EFL1: variants seen among roughly 807,000 people sequenced by gnomAD.
EFL1 encodes the protein elongation factor like GTPase 1.
In EFL1, 76 loss-of-function variants were observed where a neutral mutation model predicts 126.7. The ratio of observed to expected loss-of-function variants is 0.60; its 90% confidence interval spans 0.50 to 0.73. The LOEUF is 0.73. Among genes scored for constraint, EFL1 ranks in the 30% least tolerant of loss-of-function variants. The probability of loss-of-function intolerance (pLI) is 0.00; values close to 1 mark genes in which losing one functional copy is unlikely to be tolerated. For synonymous variants in EFL1, 410 were observed against 448.4 expected, an observed-to-expected ratio of 0.91 and a Z score of 1.08; for missense variants, 1,128 against 1,343.2, an observed-to-expected ratio of 0.84 and a Z score of 2.50.
chr15:82,246,195 A>G (rs971890463), intron 4 of EFL1, among the ~76,000 whole-genome samples: 2 of 152,078 alleles, frequency 1.3e-5, no homozygotes, highest in African/African-American at 4.8e-5. Context: ...GAACTCTGAC[A>G]TCACTGAGAA....
intron 19 of EFL1, among the ~76,000 whole-genome samples, chr15:82,133,779 C>T (rs1169508692): frequency 6.6e-6 from 1 of 152,168 alleles, no homozygotes; most frequent in Admixed American, 6.5e-5. Flanking sequence ...TTCTGCTTTG[C>T]TGGTGGGAGG....
At position 82,170,528 on chromosome 15, in the gene EFL1, T is replaced by C. The variant is rs111787884; in HGVS notation, c.1751-6544A>G. On this transcript the variant is annotated intron_variant, in intron 15 of 19. Transcript: ENST00000268206. ...TTCTTTTTCTTTTCTTTAGTCAACA[T>C]GCATTCTTGTTATGTTCAATTTGGA... Among the ~76,000 whole-genome samples, 755 of 152,332 alleles carry C rather than the reference T, an allele frequency of 5.0e-3. 11 individuals carry two copies. Among genetic ancestry groups the C allele is most frequent in the African/African-American group, 0.017 (727 of 41,580 alleles).
chr15:82,165,141 T>C (rs1033598638), intron 15 of EFL1, among the ~76,000 whole-genome samples: 2 of 152,046 alleles, frequency 1.3e-5, no homozygotes, highest in African/African-American at 4.8e-5. Context: ...GGTGCACACC[T>C]GTCTATAGTC....
rs572147792 is a variant in EFL1, at chr15:82,252,877, T to C, written c.160-102A>G. On this transcript the variant is annotated intron_variant, in intron 3 of 19. Coordinates refer to ENST00000268206, the MANE Select transcript of EFL1 (RefSeq NM_024580.6). ...TTGTTTTAAATACTTATATTTAATT[T>C]GTTATTTTTATTTATTTTTGTAGAG... is the stretch of plus-strand genomic sequence containing the variant. The C allele has an allele frequency of 2.2e-4, 172 of 788,632 alleles. 1 individual carries two copies. The South Asian group carries it at 3.1e-3, about 14-fold the overall frequency. The allele number at this position is 788,632 out of a possible 1,614,324, so 48.9% of individuals were successfully genotyped here.
chr15:82,209,351 ACAG>A, intron 15 of EFL1, among the ~76,000 whole-genome samples: 2 of 147,612 alleles, frequency 1.4e-5, no homozygotes, highest in South Asian at 4.2e-4. Context: ...ACACACACAC[ACAG>A]ATTATCAACA....
intron 10 of EFL1, among the ~76,000 whole-genome samples, 182 bp downstream of exon 10, chr15:82,228,009 T>C (rs947924380): frequency 1.3e-5 from 2 of 152,212 alleles, no homozygotes; most frequent in African/African-American, 4.8e-5. Flanking sequence ...TAACACAAAT[T>C]AGTATTAGTG....
chr15:82,189,944 C>T (rs1262732830), intron 15 of EFL1, among the ~76,000 whole-genome samples: 2 of 151,722 alleles, frequency 1.3e-5, no homozygotes, highest in Non-Finnish European at 2.9e-5. Flanking sequence ...GGTGAAACCC[C>T]GTCTCTACTA....
intron 15 of EFL1, among the ~76,000 whole-genome samples, chr15:82,178,737 G>C (rs1208737704): frequency 6.6e-6 from 1 of 152,114 alleles, no homozygotes; most frequent in Non-Finnish European, 1.5e-5. Flanking sequence ...TCACTTTCAA[G>C]AGCTCATTCT....
At chr15:82,217,924 A>G (rs1440985133) in intron 14 of EFL1, among the ~76,000 whole-genome samples, 1 of 152,212 alleles carries the variant, frequency 6.6e-6, no homozygotes, top group African/African-American at 2.4e-5. Flanking sequence ...TCCATATGAC[A>G]AGAAACTGTA....
chr15:82,220,219 G>C lies in EFL1; in HGVS notation c.1303C>G (p.Gln435Glu), dbSNP rs1455312935. The C allele has an allele frequency of 1.9e-6, 3 of 1,598,708 alleles. No homozygotes were observed. The highest frequency in any genetic ancestry group is 1.7e-6 in the Non-Finnish European group (2 of 1,175,456). ...TCACGTCTCTGAGCAATTTCTTCTT[G>C]AGTGAGAGGCCTACAGGATATCACA... ...LPQNKPRPLTQEEIAQRRERA... is the reference protein window; with the variant it reads ...LPQNKPRPLTEEEIAQRRERA... Residue 435 changes from glutamine to glutamate, a missense_variant, in exon 13 of 20, where the codon CAA (glutamine) becomes GAA (glutamate). This residue lies in a region of EFL1 where 10 missense variants were observed against 32.2 expected (regional missense o/e 0.31). Transcript: ENST00000268206.
At chr15:82,254,403 C>T (rs1053402040) in intron 3 of EFL1, among the ~76,000 whole-genome samples, 4 of 151,846 alleles carry the variant, frequency 2.6e-5, no homozygotes, top group Non-Finnish European at 4.4e-5. Context: ...TGGTATGAAA[C>T]GTGTAATACA....
At chr15:82,209,316 G>GACACAGACACACACAC (rs377447819) in intron 15 of EFL1, among the ~76,000 whole-genome samples, 1 of 146,240 alleles carries the variant, frequency 6.8e-6, no homozygotes, top group African/African-American at 2.5e-5. Flanking sequence ...CACAGACACA[G>GACACAGACACACACAC]ACACACACAC....
chr15:82,223,438 G>T (rs1253690926), intron 12 of EFL1, among the ~76,000 whole-genome samples: 1 of 152,052 alleles, frequency 6.6e-6, no homozygotes, highest in African/African-American at 2.4e-5. Context: ...AGAATGGATT[G>T]CACTATCAGA....
intron 3 of EFL1, among the ~76,000 whole-genome samples, chr15:82,254,271 C>T (rs145106140): frequency 5.4e-4 from 82 of 152,250 alleles, no homozygotes; most frequent in African/African-American, 1.9e-3. Context: ...AATTTACCTC[C>T]ATCTCTCCTT....
At chr15:82,145,912 A>C (rs2073840689) in intron 18 of EFL1, among the ~76,000 whole-genome samples, 1 of 152,000 alleles carries the variant, frequency 6.6e-6, no homozygotes, top group Non-Finnish European at 1.5e-5. Flanking sequence ...TATTTTTAAA[A>C]TGTGGTTATT....
At chr15:82,176,836 CAA>C (rs1160390621) in intron 15 of EFL1, among the ~76,000 whole-genome samples, 1 of 152,136 alleles carries the variant, frequency 6.6e-6, no homozygotes, top group Non-Finnish European at 1.5e-5. Context: ...TTCAAAGTGA[CAA>C]TATTCATAAT....
At chr15:82,132,684 G>GGC (rs1555423084) in intron 19 of EFL1, among the ~76,000 whole-genome samples, 1 of 111,966 alleles carries the variant, frequency 8.9e-6, no homozygotes, top group Non-Finnish European at 1.9e-5. Flanking sequence ...CAGGAATTGG[G>GGC]GGGGGGGGGG....
intron 3 of EFL1, among the ~76,000 whole-genome samples, chr15:82,256,192 C>A (rs1275617737): frequency 1.3e-5 from 2 of 152,124 alleles, no homozygotes; most frequent in African/African-American, 2.4e-5. Flanking sequence ...CTCTTTGCAG[C>A]CTCAAACTCC....
chr15:82,136,511 A>G (rs1249804806), intron 19 of EFL1, among the ~76,000 whole-genome samples: 1 of 152,218 alleles, frequency 6.6e-6, no homozygotes, highest in Non-Finnish European at 1.5e-5. Context: ...CTCTGGTTCT[A>G]AATATCATTT....
Sources: gnomAD v4.1 joint callset for allele counts (sites outside exome capture counted in the v4.1 genomes callset) on GRCh38, gnomAD v4.1.1 for gene constraint, gnomAD v4.1.1 regional missense constraint, MANE v1.5 for transcripts, NCBI Gene and HGNC (gene_info 2026-07-23, HGNC 2026-07-21) for gene names.